Variants in YEATS2 observed in about 807,000 individuals in gnomAD.
The protein encoded by YEATS2 is YEATS domain containing 2, also known as YEATS domain-containing protein 2.
A neutral mutation model predicts 163.2 loss-of-function variants in YEATS2; 77 were observed. The ratio of observed to expected loss-of-function variants is 0.47; its 90% CI spans 0.39 to 0.57. The LOEUF (loss-of-function observed/expected upper bound fraction) is 0.57, where lower values mean the gene tolerates loss of function less well. YEATS2 is among the 20% of genes least tolerant of loss of function. YEATS2 has a pLI of 0.00. For missense variants in YEATS2, 1,549 were observed against 1,729.8 expected (o/e 0.90, Z 1.85); for synonymous variants, 631 against 645.1 (o/e 0.98, Z 0.33).
intron 21 of YEATS2, among the ~76,000 whole-genome samples, chr3:183,791,491 G>A (rs1724649718): frequency 6.6e-6 from 1 of 152,186 alleles, no homozygotes; most frequent in Non-Finnish European, 1.5e-5. Context: ...TCATTTGAAA[G>A]TTACTATTTG....
chr3:183,801,045 G>C (rs1269521725), intron 24 of YEATS2: 5 of 169,674 alleles, frequency 2.9e-5, no homozygotes, highest in Non-Finnish European at 6.3e-5. Flanking sequence ...CTACTTTTAA[G>C]TATCTCAGAC....
chr3:183,762,827 G>A (rs573294770), intron 15 of YEATS2, among the ~76,000 whole-genome samples: 4 of 152,042 alleles, frequency 2.6e-5, no homozygotes, highest in South Asian at 2.1e-4. Flanking sequence ...TGAGGCGGGC[G>A]GATTACCTGA....
At chr3:183,721,731 G>A (rs1716508559) in intron 4 of YEATS2, among the ~76,000 whole-genome samples, 160 bp from the exon 5 acceptor site, 2 of 152,150 alleles carry the variant, frequency 1.3e-5, no homozygotes, top group Admixed American at 6.5e-5. Flanking sequence ...GTTGGTTCAG[G>A]CTGTGCTAAG....
intron 13 of YEATS2, among the ~76,000 whole-genome samples, chr3:183,761,206 G>C (rs1165569075): frequency 6.6e-6 from 1 of 151,756 alleles, no homozygotes; most frequent in Non-Finnish European, 1.5e-5. Context: ...TACTGCCTCA[G>C]CCTCCCAAGT....
intron 19 of YEATS2, among the ~76,000 whole-genome samples, chr3:183,781,760 G>T (rs1723583813): frequency 6.6e-6 from 1 of 151,994 alleles, no homozygotes; most frequent in African/African-American, 2.4e-5. Context: ...AAACTACCTG[G>T]GCCATGGTGG....
At chr3:183,771,779 T>A (rs1722506004) in intron 15 of YEATS2, among the ~76,000 whole-genome samples, 1 of 143,742 alleles carries the variant, frequency 7.0e-6, no homozygotes, top group East Asian at 2.0e-4. Flanking sequence ...CAGGCTGGAG[T>A]GCAGTGGCAT....
At chr3:183,769,846 C>T (rs1485604008) in intron 15 of YEATS2, among the ~76,000 whole-genome samples, 1 of 151,942 alleles carries the variant, frequency 6.6e-6, no homozygotes, top group Non-Finnish European at 1.5e-5. Context: ...CCACCACGCC[C>T]AGCTCATTCC....
At chr3:183,744,215 C>T (rs542252733) in intron 8 of YEATS2, among the ~76,000 whole-genome samples, 20 of 140,690 alleles carry the variant, frequency 1.4e-4, no homozygotes, top group African/African-American at 3.2e-4. Flanking sequence ...CAGGTTCAAG[C>T]GATTCTTCTG....
intron 8 of YEATS2, among the ~76,000 whole-genome samples, chr3:183,738,391 CTTTT>C (rs1173865612): frequency 0.051 from 3,758 of 73,978 alleles, 138 homozygotes; most frequent in East Asian, 0.19. Flanking sequence ...AGGAAAAGTT[CTTTT>C]TTTTTTTTTT....
chr3:183,762,055 T>A (rs149228349), intron 14 of YEATS2, 42 bp from the exon 15 acceptor site: 2 of 1,612,130 alleles, frequency 1.2e-6, no homozygotes, highest in Non-Finnish European at 1.7e-6. Context: ...TAAAATGGGA[T>A]GTTTATGGAT....
chr3:183,741,158 C>G (rs1164406193), intron 8 of YEATS2, among the ~76,000 whole-genome samples: 2 of 151,810 alleles, frequency 1.3e-5, no homozygotes, highest in African/African-American at 4.8e-5. Flanking sequence ...TGGCTGGTCT[C>G]AAACTCCTGA....
At chr3:183,765,927 A>G (rs1264302538) in intron 15 of YEATS2, among the ~76,000 whole-genome samples, 1 of 151,604 alleles carries the variant, frequency 6.6e-6, no homozygotes, top group Non-Finnish European at 1.5e-5. Flanking sequence ...AGCCTGGGAG[A>G]TAGAGCAAGA....
chr3:183,707,109 T>C (rs191569853), intron 1 of YEATS2, among the ~76,000 whole-genome samples: 35 of 152,322 alleles, frequency 2.3e-4, no homozygotes, highest in Admixed American at 7.2e-4. Context: ...TATATGCAAA[T>C]ATTCCAAAAT....
intron 21 of YEATS2, among the ~76,000 whole-genome samples, chr3:183,793,819 A>C (rs546066294): frequency 6.6e-6 from 1 of 151,724 alleles, no homozygotes; most frequent in Non-Finnish European, 1.5e-5. Flanking sequence ...CACCATGTTG[A>C]CCAGGCTGGT....
At position 183,735,214 on chromosome 3, in the gene YEATS2, A is replaced by C. The variant is rs528946574; in HGVS notation, c.813-1504A>C. On this transcript the variant is annotated intron_variant, in intron 7 of 30. Transcript: ENST00000305135. Reference sequence around the variant, plus strand: ...ATTCAGTGTGATTGAGGCATATTGCAAATGAATTTAGACTTACCATTTAGC... The same window carrying C: ...ATTCAGTGTGATTGAGGCATATTGCCAATGAATTTAGACTTACCATTTAGC... Among the ~76,000 whole-genome samples, 6 of 152,380 alleles carry C rather than the reference A, an allele frequency of 3.9e-5. No individual in the cohort carries two copies. In the East Asian group the frequency reaches 9.6e-4, roughly 24 times the overall value.
intron 6 of YEATS2, 93 bp downstream of exon 6, chr3:183,724,624 A>C: frequency 2.3e-6 from 2 of 858,574 alleles, no homozygotes; most frequent in Non-Finnish European, 3.4e-6. Flanking sequence ...AAGCAGCCTC[A>C]GGGATTCTTT....
intron 1 of YEATS2, among the ~76,000 whole-genome samples, chr3:183,698,207 G>C (rs1015961473): frequency 6.6e-6 from 1 of 152,176 alleles, no homozygotes; most frequent in African/African-American, 2.4e-5. Flanking sequence ...CCTGGAATTG[G>C]AACGTGAGTT....
At chr3:183,741,793 AAG>A (rs1048050973) in intron 8 of YEATS2, among the ~76,000 whole-genome samples, 19 of 152,102 alleles carry the variant, frequency 1.2e-4, no homozygotes, top group African/African-American at 4.6e-4. Context: ...AAAGAAAAAA[AAG>A]AGCTTTGATG....
Position 183,717,696 on chromosome 3 carries a change from A to T in YEATS2, c.146A>T (p.Gln49Leu), listed in dbSNP as rs748813537. The change falls in exon 3 of 31, where the codon CAG becomes CTG. Residue 49 changes from glutamine to leucine, a missense_variant. By Grantham distance (113) the Gln-to-Leu change is moderately radical. Transcript: ENST00000305135. ...VQKIETIIKEQFALEMKNKEH... is the reference protein window; with the variant it reads ...VQKIETIIKELFALEMKNKEH... Reference sequence around the variant, plus strand: ...AAGATTGAGACTATTATCAAAGAACAGTTTGCTCTTGAAATGAAGAATAAG... The same window carrying T: ...AAGATTGAGACTATTATCAAAGAACTGTTTGCTCTTGAAATGAAGAATAAG... The T allele has an allele frequency of 6.4e-7, 1 of 1,569,354 alleles. No homozygotes were observed. Among genetic ancestry groups the T allele is most frequent in the Admixed American group, 2.0e-5 (1 of 49,898 alleles).
Sources: allele counts gnomAD v4.1 joint callset (sites outside exome capture counted in the v4.1 genomes callset), GRCh38; gene constraint gnomAD v4.1.1; transcripts MANE v1.5; gene names NCBI Gene and HGNC (gene_info 2026-07-23, HGNC 2026-07-21).